ANK2: variants seen among roughly 807,000 people sequenced by gnomAD.
The protein encoded by ANK2 is ankyrin 2.
ANK2 carries 83 observed loss-of-function variants against 360.5 expected under a neutral mutation model. That is an observed-to-expected ratio of 0.23 (90% CI 0.19 to 0.28). ANK2 has a LOEUF of 0.28. Ranked by LOEUF, ANK2 falls within the 10% of genes least tolerant of loss-of-function variation. The pLI, the probability that ANK2 is intolerant of heterozygous loss-of-function variation, is 1.00. For synonymous variants in ANK2, 1,740 were observed against 1,759.5 expected, an observed-to-expected ratio of 0.99 and a Z score of 0.28; for missense variants, 4,201 against 4,795.7, an observed-to-expected ratio of 0.88 and a Z score of 3.66.
At chr4:112,918,245 C>A (rs974606775) in intron 2 of ANK2, among the ~76,000 whole-genome samples, 3 of 152,114 alleles carry the variant, frequency 2.0e-5, no homozygotes, top group Non-Finnish European at 4.4e-5. Flanking sequence ...AGTGGACTAG[C>A]GTGCTCCTGA....
chr4:113,071,544 T>C (rs2077544655), intron 1 of ANK2, among the ~76,000 whole-genome samples: 1 of 152,180 alleles, frequency 6.6e-6, no homozygotes, highest in Non-Finnish European at 1.5e-5. Flanking sequence ...AATCCAGATT[T>C]ATTCTTTCCT....
chr4:112,936,632 C>G (rs2154242298), intron 2 of ANK2, among the ~76,000 whole-genome samples: 1 of 152,268 alleles, frequency 6.6e-6, no homozygotes, highest in South Asian at 2.1e-4. Flanking sequence ...GCGTGAGCCA[C>G]CACGCCCGGC....
intron 2 of ANK2, among the ~76,000 whole-genome samples, chr4:112,918,572 T>C (rs1296658611): frequency 1.3e-5 from 2 of 152,292 alleles, no homozygotes; most frequent in Middle Eastern, 3.4e-3. Flanking sequence ...TGAGTGAATA[T>C]TATTTTTCCT....
chr4:112,946,784 A>T (rs1005685264), intron 2 of ANK2, among the ~76,000 whole-genome samples: 1 of 152,222 alleles, frequency 6.6e-6, no homozygotes, highest in Non-Finnish European at 1.5e-5. Flanking sequence ...ATTCTATTTT[A>T]GAGGTAAGCT....
intron 1 of ANK2, among the ~76,000 whole-genome samples, chr4:112,892,767 G>C (rs1244957445): frequency 6.6e-6 from 1 of 152,118 alleles, no homozygotes; most frequent in African/African-American, 2.4e-5. Context: ...AAACTTTAAG[G>C]CATAATTGTT....
chr4:113,353,366 C>G lies in ANK2; in HGVS notation c.4748C>G (p.Ser1583Cys), dbSNP rs774190348. Residue 1583 changes from serine to cysteine, a missense_variant, in exon 38 of 46, where the codon TCT becomes TGT. Coordinates refer to ENST00000357077, the MANE Select transcript of ANK2 (RefSeq NM_001148.6). ...RDESSVQSSR[S>C]ERGLVEEEWV... is the part of the protein sequence containing the mutation. ...GAAAGCAGTGTGCAGAGCTCTCGGT[C>G]TGAGAGAGGATTAGTTGAAGAGGAA... The G allele has an allele frequency of 6.2e-7, 1 of 1,613,794 alleles. No homozygotes were observed. Among genetic ancestry groups the G allele is most frequent in the Non-Finnish European group, 8.5e-7 (1 of 1,179,956 alleles).
chr4:112,791,733 C>T, the ANK2 span, among the ~76,000 whole-genome samples: 42 of 152,080 alleles, frequency 2.8e-4, no homozygotes, highest in South Asian at 6.2e-4. Flanking sequence ...ACTTGTGATC[C>T]GCCCACCTCG....
intron 2 of ANK2, among the ~76,000 whole-genome samples, chr4:113,018,683 A>T (rs1354917000): frequency 6.6e-6 from 1 of 152,210 alleles, no homozygotes; most frequent in Admixed American, 6.5e-5. Flanking sequence ...CAGGAACCTG[A>T]GCATGGGCGG....
chr4:112,999,939 C>G (rs1419885353), intron 2 of ANK2, among the ~76,000 whole-genome samples: 2 of 152,082 alleles, frequency 1.3e-5, no homozygotes, highest in Non-Finnish European at 2.9e-5. Context: ...AAAACTTTTC[C>G]TCTATGCTCC....
chr4:113,204,841 G>A (rs1284841018), intron 4 of ANK2, among the ~76,000 whole-genome samples: 1 of 152,158 alleles, frequency 6.6e-6, no homozygotes, highest in Non-Finnish European at 1.5e-5. Flanking sequence ...CAACTAGTGA[G>A]TAAAGCGATT....
Position 113,293,528 on chromosome 4 carries a change from C to A in ANK2, c.2465C>A (p.Thr822Asn), listed in dbSNP as rs374355225. 9 of 1,612,760 alleles carry A rather than the reference C, an allele frequency of 5.6e-6. No individual in the cohort carries two copies. Among genetic ancestry groups the A allele is most frequent in the Non-Finnish European group, 5.9e-6 (7 of 1,179,550 alleles). The change falls in exon 22 of 46, where the codon ACC becomes AAC. Residue 822 changes from threonine (T) to asparagine (N), a missense_variant. Thr to Asn is a moderately conservative substitution (Grantham distance 65). Coordinates refer to ENST00000357077, the MANE Select transcript of ANK2 (RefSeq NM_001148.6). The stretch of plus-strand genomic sequence containing the variant: ...AAGGTTGTGACTGAGGAGGTCACCA[C>A]CACCACCACAGTGAGTATGAGTGAC... ...TLKVVTEEVTTTTTTITEKHK... is the reference protein window; with the variant it reads ...TLKVVTEEVTNTTTTITEKHK...
intron 2 of ANK2, among the ~76,000 whole-genome samples, chr4:113,187,642 G>A (rs1329822081): frequency 6.6e-6 from 1 of 152,090 alleles, no homozygotes; most frequent in Non-Finnish European, 1.5e-5. Flanking sequence ...TATAAACAGG[G>A]TTAAAATTAA....
intron 23 of ANK2, among the ~76,000 whole-genome samples, chr4:113,304,865 A>G (rs992863578): frequency 6.6e-6 from 1 of 152,190 alleles, no homozygotes; most frequent in Non-Finnish European, 1.5e-5. Context: ...GAGGTTTCCA[A>G]AGTACACGTG....
chr4:113,233,134 T>A (rs2099337524), intron 5 of ANK2, among the ~76,000 whole-genome samples: 1 of 55,366 alleles, frequency 1.8e-5, no homozygotes, highest in African/African-American at 6.1e-5. Flanking sequence ...TTTTTTTTTT[T>A]TTTTTTTTTT....
intron 10 of ANK2, among the ~76,000 whole-genome samples, chr4:113,251,909 G>C (rs1320599201): frequency 1.3e-5 from 2 of 152,154 alleles, no homozygotes; most frequent in African/African-American, 4.8e-5. Flanking sequence ...AATCAGGTTA[G>C]AGTGAGGGGA....
chr4:113,106,955 C>T (rs780963664), intron 1 of ANK2: 2 of 529,140 alleles, frequency 3.8e-6, no homozygotes, highest in East Asian at 5.5e-5. Context: ...TTAAAAGAAC[C>T]TATTACAGAG....
intron 1 of ANK2, among the ~76,000 whole-genome samples, chr4:113,142,324 C>T (rs186407553): frequency 1.3e-5 from 2 of 152,274 alleles, no homozygotes; most frequent in East Asian, 1.9e-4. Context: ...GAACTAGAAA[C>T]GTTTTAACTT....
At chr4:113,287,012 A>G (rs537331711) in intron 18 of ANK2, among the ~76,000 whole-genome samples, 6 of 152,326 alleles carry the variant, frequency 3.9e-5, no homozygotes, top group African/African-American at 1.4e-4. Flanking sequence ...CTTGATGTAT[A>G]TATACCAAAC....
intron 1 of ANK2, among the ~76,000 whole-genome samples, chr4:113,074,628 A>G (rs2079108447): frequency 6.6e-6 from 1 of 152,178 alleles, no homozygotes; most frequent in African/African-American, 2.4e-5. Flanking sequence ...AAAAAACTCC[A>G]TGAAGGAAGT....
Sources: gnomAD v4.1 joint callset for allele counts (sites outside exome capture counted in the v4.1 genomes callset) on GRCh38, gnomAD v4.1.1 for gene constraint, MANE v1.5 for transcripts, NCBI Gene and HGNC (gene_info 2026-07-23, HGNC 2026-07-21) for gene names.